VASN: variants seen among roughly 807,000 people sequenced by gnomAD.
The protein encoded by VASN is protein slit-like 2.
In VASN, 5 loss-of-function variants were observed where a neutral mutation model predicts 4.8. The ratio of observed to expected loss-of-function variants is 1.03; its 90% CI spans 0.54 to 2.17. VASN has a LOEUF of 2.17. VASN is among the 30% of genes most tolerant of loss of function. The probability of loss-of-function intolerance (pLI) is 0.01; values close to 1 mark genes in which losing one functional copy is unlikely to be tolerated. For synonymous variants in VASN, 499 were observed against 460.8 expected (o/e 1.08, Z -1.06); for missense variants, 927 against 948.8 (o/e 0.98, Z 0.30).
intron 1 of VASN, among the ~76,000 whole-genome samples, chr16:4,372,868 C>A (rs1435857947): frequency 1.3e-5 from 2 of 152,150 alleles, no homozygotes; most frequent in African/African-American, 4.8e-5. Flanking sequence ...CTAGGTGTCC[C>A]CATGCCTGCC....
rs1329351533 is a variant in VASN, at chr16:4,381,260, G to A, written c.383G>A (p.Arg128His). ...ETFRGLRRLE[R>H]LYLGKNRIRH... ...TTCCGTGGCCTGCGGCGCCTCGAGC[G>A]CCTCTACCTGGGCAAGAACCGCATC... Residue 128 changes from arginine to histidine, a missense_variant, in exon 2 of 2, where the codon CGC (arginine) becomes CAC (histidine). By Grantham distance (29) the Arg-to-His change is conservative. Transcript: ENST00000304735. The A allele has an allele frequency of 3.1e-6, 5 of 1,611,612 alleles. No individual in the cohort carries two copies. The highest frequency in any genetic ancestry group is 2.2e-5 in the East Asian group (1 of 44,754).
Position 4,381,577 on chromosome 16 carries a change from G to A in VASN, c.700G>A (p.Val234Met). Residue 234 changes from valine (V) to methionine (M), a missense_variant, in exon 2 of 2, where the codon GTG becomes ATG. By Grantham distance (21) the Val-to-Met change is conservative. Transcript: ENST00000304735. ...CAACCAGCTGGAGCGAGTGCCACCT[G>A]TGATCCGAGGCCTCCGGGGCCTGAC... ...SDNQLERVPPVIRGLRGLTRL... is the reference protein window; with the variant it reads ...SDNQLERVPPMIRGLRGLTRL... The A allele has an allele frequency of 3.1e-6, 5 of 1,604,822 alleles. No homozygotes were observed. Among genetic ancestry groups the A allele is most frequent in the Non-Finnish European group, 4.3e-6 (5 of 1,176,396 alleles).
chr16:4,378,271 G>A (rs1406292530), intron 1 of VASN, among the ~76,000 whole-genome samples: 2 of 152,150 alleles, frequency 1.3e-5, no homozygotes, highest in South Asian at 2.1e-4. Context: ...GCACAGGGCC[G>A]CCTGCCTGGA....
rs1359925614 is a variant in VASN, at chr16:4,382,126, G to A, written c.1249G>A (p.Gly417Arg). ...CTGCCCACCGTCCACCTGCCTCAAT[G>A]GGGGCACATGCCACCTGGGGACACG... Reference protein sequence around the residue: ...QDCPPSTCLNGGTCHLGTRHH... With the variant: ...QDCPPSTCLNRGTCHLGTRHH... Residue 417 changes from glycine (G) to arginine (R), a missense_variant, in exon 2 of 2, where the codon GGG becomes AGG. Transcript: ENST00000304735. 6.3e-7 allele frequency: 1 copy of A among 1,588,584 alleles called. No individual in the cohort carries two copies. Among genetic ancestry groups the A allele is most frequent in the African/African-American group, 1.3e-5 (1 of 74,572 alleles).
At chr16:4,372,208 G>A (rs2054561049) in intron 1 of VASN, among the ~76,000 whole-genome samples, 1 of 152,136 alleles carries the variant, frequency 6.6e-6, no homozygotes, top group Non-Finnish European at 1.5e-5. Flanking sequence ...CGGCCGGCCA[G>A]GGTGCGCGCC....
chr16:4,373,628 C>T (rs2054611082), intron 1 of VASN, among the ~76,000 whole-genome samples: 1 of 152,140 alleles, frequency 6.6e-6, no homozygotes, highest in Admixed American at 6.5e-5. Context: ...GGAGATGGGT[C>T]CGCGGCTCCT....
At position 4,381,717 on chromosome 16, in the gene VASN, T is replaced by C. The variant is rs1353402364; in HGVS notation, c.840T>C (p.Pro280=). Residue 280 remains proline (P), a synonymous_variant, in exon 2 of 2, where the codon CCT becomes CCC. Transcript: ENST00000304735. ...GCAACCTAAGCCTGCAGGCCCTGCCTGGCGACCTCTCGGGCCTCTTCCCCC... is the reference window on the plus strand; with the variant it reads ...GCAACCTAAGCCTGCAGGCCCTGCCCGGCGACCTCTCGGGCCTCTTCCCCC... ...DVSNLSLQAL[P]GDLSGLFPRL... 2 of 1,606,974 alleles carry C rather than the reference T, an allele frequency of 1.2e-6. No homozygotes were observed. The highest frequency in any genetic ancestry group is 1.7e-6 in the Non-Finnish European group (2 of 1,179,396).
At chr16:4,374,768 C>T (rs997729972) in intron 1 of VASN, among the ~76,000 whole-genome samples, 1 of 152,024 alleles carries the variant, frequency 6.6e-6, no homozygotes. Context: ...GTGGGGGGTT[C>T]GGCATGGGGA....
In VASN at chr16:4,382,837, C is replaced by T; in HGVS notation, c.1960C>T (p.Pro654Ser). The T allele has an allele frequency of 1.3e-6, 2 of 1,597,580 alleles. No individual in the cohort carries two copies. The highest frequency in any genetic ancestry group is 1.7e-5 in the Admixed American group (1 of 57,906). Residue 654 changes from proline (P) to serine (S), a missense_variant, in exon 2 of 2, where the codon CCA (proline) becomes TCA (serine). Transcript: ENST00000304735. ...ALPSGSECEV[P>S]LMGFPGPGLQ... ...GCCCAGCGGGTCTGAGTGTGAGGTG[C>T]CACTCATGGGCTTCCCAGGGCCTGG...
chr16:4,382,419 T>A lies in VASN; in HGVS notation c.1542T>A (p.Pro514=). 6.2e-7 allele frequency: 1 copy of A among 1,611,574 alleles called. No individual in the cohort carries two copies. The highest frequency in any genetic ancestry group is 8.5e-7 in the Non-Finnish European group (1 of 1,179,546). The part of the protein sequence containing the change: ...PDKRLVTLRL[P]ASLAEYTVTQ... ...AGCGGCTGGTGACGCTGCGACTGCC[T>A]GCCTCGCTCGCTGAGTACACGGTCA... is the stretch of plus-strand genomic sequence containing the variant. Residue 514 remains proline (P), a synonymous_variant, in exon 2 of 2, where the codon CCT becomes CCA. Coordinates refer to ENST00000304735, the MANE Select transcript of VASN (RefSeq NM_138440.3).
At chr16:4,378,370 G>C (rs1480023261) in intron 1 of VASN, among the ~76,000 whole-genome samples, 1 of 151,790 alleles carries the variant, frequency 6.6e-6, no homozygotes, top group Admixed American at 6.6e-5. Flanking sequence ...GCCACGTGGA[G>C]GATCCCCTCC....
chr16:4,382,728 A>AG lies in VASN; in HGVS notation c.1855dup (p.Ala619GlyfsTer32). The AG allele has an allele frequency of 6.4e-7, 1 of 1,553,090 alleles. No homozygotes were observed. Among genetic ancestry groups the AG allele is most frequent in the South Asian group, 1.2e-5 (1 of 84,636 alleles). ...CTCAGGACAAAGGGCAGGTGGGGCC[A>AG]GGGGCTGGGCCCCTGGAACTGGAGG... On this transcript the variant is annotated frameshift_variant, in exon 2 of 2. Coordinates refer to ENST00000304735, the MANE Select transcript of VASN (RefSeq NM_138440.3). LOFTEE classifies it high-confidence loss of function.
chr16:4,372,161 C>T (rs2054557811), intron 1 of VASN, among the ~76,000 whole-genome samples, 168 bp downstream of exon 1: 1 of 151,924 alleles, frequency 6.6e-6, no homozygotes, highest in Non-Finnish European at 1.5e-5. Flanking sequence ...GCCCTGTACG[C>T]TCCCTCCCCC....
Position 4,382,234 on chromosome 16 carries a change from C to G in VASN, c.1357C>G (p.Pro453Ala), listed in dbSNP as rs568102911. Residue 453 changes from proline (P) to alanine (A), a missense_variant, in exon 2 of 2, where the codon CCT becomes GCT. Coordinates refer to ENST00000304735, the MANE Select transcript of VASN (RefSeq NM_138440.3). ...GATGGGGCAGGGGACACGGCCCAGCCCTACACCAGTCACGCCGAGGCCACC... is the reference window on the plus strand; with the variant it reads ...GATGGGGCAGGGGACACGGCCCAGCGCTACACCAGTCACGCCGAGGCCACC... ...SQMGQGTRPS[P>A]TPVTPRPPRS... 123 of 1,607,036 alleles carry G rather than the reference C, an allele frequency of 7.7e-5. No individual in the cohort carries two copies. In the East Asian group the frequency reaches 2.5e-3, roughly 33 times the overall value.
rs112162067 is a variant in VASN, at chr16:4,375,246, G to A, written c.-10+3253G>A. Reference sequence around the variant, plus strand: ...GGTGCTACTGAAGGCACCCACCTGGGGCCGGGCCAGCCTCCTGGGTGGAGG... The same window carrying A: ...GGTGCTACTGAAGGCACCCACCTGGAGCCGGGCCAGCCTCCTGGGTGGAGG... On this transcript the variant is annotated intron_variant, in intron 1 of 1. Coordinates refer to ENST00000304735, the MANE Select transcript of VASN (RefSeq NM_138440.3). 2.8e-4 allele frequency among the ~76,000 whole-genome samples: 43 copies of A among 152,286 alleles called. 1 individual carries two copies. Among genetic ancestry groups the A allele is most frequent in the Non-Finnish European group, 5.0e-4 (34 of 68,012 alleles).
rs980627203 is a variant in VASN, at chr16:4,382,997, C to T, written c.*98C>T. ...CCACGTAAGTTCTCAGTCCCAACCT[C>T]GGGGATGTGTGCAGACAGGGCTGTG... On this transcript the variant is annotated 3_prime_UTR_variant, in exon 2 of 2. Transcript: ENST00000304735. 27 of 1,303,634 alleles carry T rather than the reference C, an allele frequency of 2.1e-5. No individual in the cohort carries two copies. The African/African-American group carries it at 2.4e-4, about 12-fold the overall frequency. The allele number at this position is 1,303,634 out of a possible 1,614,324, so 80.8% of individuals were successfully genotyped here. A position where few individuals can be genotyped will look rare whatever the true frequency, so the allele number is the denominator to read the frequency against.
rs774961934 is a variant in VASN, at chr16:4,381,697, C to T, written c.820C>T (p.Leu274=). ...AALQELDVSN[L]SLQALPGDLS... The stretch of plus-strand genomic sequence containing the variant: ...CCTGCAGGAGCTGGATGTGAGCAAC[C>T]TAAGCCTGCAGGCCCTGCCTGGCGA... Residue 274 remains leucine, a synonymous_variant, in exon 2 of 2, where the codon CTA becomes TTA. Coordinates refer to ENST00000304735, the MANE Select transcript of VASN (RefSeq NM_138440.3). The T allele has an allele frequency of 1.9e-5, 31 of 1,608,104 alleles. No individual in the cohort carries two copies. The highest frequency in any genetic ancestry group is 2.6e-5 in the Non-Finnish European group (31 of 1,179,180).
Position 4,381,610 on chromosome 16 carries a change from C to T in VASN, c.733C>T (p.Arg245Trp), listed in dbSNP as rs761908726. ...AGGCCTCCGGGGCCTGACGCGCCTG[C>T]GGCTGGCCGGCAACACCCGCATTGC... is the stretch of plus-strand genomic sequence containing the variant. ...IRGLRGLTRL[R>W]LAGNTRIAQL... The change falls in exon 2 of 2, where the codon CGG becomes TGG. Residue 245 changes from arginine (R) to tryptophan (W), a missense_variant. Transcript: ENST00000304735. The T allele has an allele frequency of 1.8e-5, 29 of 1,597,038 alleles. No individual in the cohort carries two copies. The highest frequency in any genetic ancestry group is 9.4e-5 in the African/African-American group (7 of 74,572).
chr16:4,382,617 C>T lies in VASN; in HGVS notation c.1740C>T (p.Pro580=), dbSNP rs758875070. The part of the protein sequence containing the change: ...REGNLPLLIA[P]ALAAVLLAAL... ...GCAACCTGCCGCTCCTCATTGCGCC[C>T]GCCCTGGCCGCGGTGCTCCTGGCCG... The change falls in exon 2 of 2, where the codon CCC becomes CCT. Residue 580 remains proline (P), a synonymous_variant. Transcript: ENST00000304735. 33 of 1,577,368 alleles carry T rather than the reference C, an allele frequency of 2.1e-5. No homozygotes were observed. The highest frequency in any genetic ancestry group is 3.5e-5 in the South Asian group (3 of 86,828).
Sources: allele counts gnomAD v4.1 joint callset (sites outside exome capture counted in the v4.1 genomes callset), GRCh38; gene constraint gnomAD v4.1.1; transcripts MANE v1.5; gene names NCBI Gene and HGNC (gene_info 2026-07-23, HGNC 2026-07-21).